RERE: variants seen among roughly 807,000 people sequenced by gnomAD.
RERE encodes the protein arginine-glutamic acid dipeptide repeats, also known as arginine-glutamic acid dipeptide repeats protein.
A neutral mutation model predicts 146.1 loss-of-function variants in RERE; 40 were observed. The ratio of observed to expected loss-of-function variants is 0.27; its 90% confidence interval spans 0.21 to 0.36. RERE has a LOEUF of 0.36. Ranked by LOEUF, RERE falls within the 10% of genes least tolerant of loss-of-function variation. The pLI is 1.00. For synonymous variants in RERE, 1,003 were observed against 866.0 expected, an observed-to-expected ratio of 1.16 and a Z score of -2.78; for missense variants, 1,933 against 2,138.7, an observed-to-expected ratio of 0.90 and a Z score of 1.90.
chr1:8,501,915 C>T (rs1645167196), intron 8 of RERE, among the ~76,000 whole-genome samples: 1 of 96,782 alleles, frequency 1.0e-5, no homozygotes, highest in African/African-American at 4.0e-5. Flanking sequence ...CCCGGCCAGC[C>T]GCCCCGTCCG....
chr1:8,808,545 C>A (rs1641732670), intron 1 of RERE, among the ~76,000 whole-genome samples: 1 of 152,124 alleles, frequency 6.6e-6, no homozygotes, highest in Admixed American at 6.6e-5. Context: ...CACAACAAAC[C>A]CACGAGTATT....
intron 1 of RERE, among the ~76,000 whole-genome samples, chr1:8,726,805 G>GTTTA (rs34474520): frequency 0.24 from 35,707 of 151,624 alleles, 4,276 homozygotes; most frequent in Middle Eastern, 0.28. Flanking sequence ...GTAAACTGAC[G>GTTTA]TTTATTTATT....
At chr1:8,574,018 C>G (rs965159679) in intron 4 of RERE, among the ~76,000 whole-genome samples, 8 of 151,964 alleles carry the variant, frequency 5.3e-5, no homozygotes, top group African/African-American at 1.9e-4. Context: ...GTTGCCCAGG[C>G]TGGTCTTAAA....
chr1:8,807,753 T>C (rs1045345921), intron 1 of RERE, among the ~76,000 whole-genome samples: 1 of 152,152 alleles, frequency 6.6e-6, no homozygotes, highest in Non-Finnish European at 1.5e-5. Context: ...ATTTCACTCT[T>C]ACACACTCTA....
At chr1:8,463,239 A>G (rs1644549147) in intron 11 of RERE, among the ~76,000 whole-genome samples, 1 of 152,192 alleles carries the variant, frequency 6.6e-6, no homozygotes, top group Admixed American at 6.5e-5. Context: ...GTGAAGCTTC[A>G]CTTCCTACAC....
At chr1:8,753,625 A>G (rs1640581233) in intron 1 of RERE, 2 of 152,242 alleles carry the variant, frequency 1.3e-5, no homozygotes. Flanking sequence ...CTGGCTCATT[A>G]TAACACTCAG....
rs368959205 is a variant in RERE, at chr1:8,548,019, G to T, written c.726-6701C>A. On this transcript the variant is annotated intron_variant, in intron 6 of 22. Coordinates refer to ENST00000400908, the MANE Select transcript of RERE (RefSeq NM_001042681.2). ...TATATCAACATAAGGAAGTAAAAGAGAATGAGAAAGTCCTCTATGAACTGA... is the reference window on the plus strand; with the variant it reads ...TATATCAACATAAGGAAGTAAAAGATAATGAGAAAGTCCTCTATGAACTGA... Among the ~76,000 whole-genome samples the T allele has an allele frequency of 3.3e-5, 5 of 152,176 alleles. No individual in the cohort carries two copies. The East Asian group carries it at 5.8e-4, about 18-fold the overall frequency.
intron 12 of RERE, among the ~76,000 whole-genome samples, chr1:8,416,342 T>C (rs529205675): frequency 6.6e-6 from 1 of 152,070 alleles, no homozygotes; most frequent in Non-Finnish European, 1.5e-5. Flanking sequence ...TCCCAGCACT[T>C]TGGGAGGCCA....
chr1:8,373,490 A>G (rs1324413969), intron 12 of RERE, among the ~76,000 whole-genome samples: 1 of 152,180 alleles, frequency 6.6e-6, no homozygotes, highest in Non-Finnish European at 1.5e-5. Context: ...AGCAACAAAT[A>G]ATAAAAAACA....
intron 12 of RERE, among the ~76,000 whole-genome samples, chr1:8,378,764 A>T (rs1353470598): frequency 6.6e-6 from 1 of 152,224 alleles, no homozygotes; most frequent in African/African-American, 2.4e-5. Flanking sequence ...ACAGCAGACT[A>T]ATACATAAGC....
In RERE at chr1:8,423,022, C is replaced by CA; in HGVS notation, c.1204-216dup. On this transcript the variant is annotated intron_variant, in intron 11 of 22. Coordinates refer to ENST00000400908, the MANE Select transcript of RERE (RefSeq NM_001042681.2). This position sits in a 1 kb window ranked among gnomAD's most constrained non-coding sequence, Gnocchi z 5.4. ...TCATCAGAACCCCAATCCCACCCAC[C>CA]ACGCAGGGCAGCGCGTTTAAGAGAA... 1.9e-6 allele frequency: 1 copy of CA among 529,800 alleles called. No individual in the cohort carries two copies. Among genetic ancestry groups the CA allele is most frequent in the Non-Finnish European group, 3.4e-6 (1 of 291,756 alleles). The allele number at this position is 529,800 out of a possible 1,614,324, so 32.8% of individuals were successfully genotyped here. A position where few individuals can be genotyped will look rare whatever the true frequency, so the allele number is the denominator to read the frequency against.
rs1020428618 is a variant in RERE at position 8,364,064 on chromosome 1, G to A, written c.1732C>T (p.Arg578Trp). The A allele has an allele frequency of 2.5e-6, 4 of 1,614,026 alleles. No homozygotes were observed. The highest frequency in any genetic ancestry group is 2.2e-5 in the East Asian group (1 of 44,878). ...GKHSMRTRRS[R>W]GSMSTLRSGR... ...GGCCCCAGGGGACTCACCGAGCCCC[G>A]ACTCCGCCGTGTCCTCATGCTATGC... is the stretch of plus-strand genomic sequence containing the variant. The change falls in exon 15 of 23, where the codon CGG (arginine) becomes TGG (tryptophan). Residue 578 changes from arginine to tryptophan, a missense_variant. Around this residue, in one of 11 missense-constraint regions of RERE, gnomAD observed 1,255 missense variants for 1,153.8 expected, o/e 1.09. Coordinates refer to ENST00000400908, the MANE Select transcript of RERE (RefSeq NM_001042681.2). This position sits in a 1 kb window ranked among gnomAD's most constrained non-coding sequence, Gnocchi z 5.1.
intron 1 of RERE, among the ~76,000 whole-genome samples, chr1:8,764,513 G>C (rs534713635): frequency 1.3e-5 from 2 of 152,152 alleles, no homozygotes; most frequent in Non-Finnish European, 2.9e-5. Context: ...TGCTTAGTGT[G>C]GTCAGAAAGG....
intron 1 of RERE, among the ~76,000 whole-genome samples, chr1:8,661,924 T>C (rs1422281419): frequency 6.6e-6 from 1 of 152,230 alleles, no homozygotes; most frequent in Non-Finnish European, 1.5e-5. Context: ...AGAACATTTA[T>C]TGCTCACGCT....
At chr1:8,785,514 C>A (rs889804818) in intron 1 of RERE, among the ~76,000 whole-genome samples, 5 of 152,196 alleles carry the variant, frequency 3.3e-5, no homozygotes, top group Non-Finnish European at 7.4e-5. Context: ...AGTCCTAGTC[C>A]TTACCTTTCC....
intron 12 of RERE, among the ~76,000 whole-genome samples, chr1:8,366,904 GAAAAAAAAAAACA>G (rs1208160312): frequency 1.8e-3 from 45 of 25,546 alleles, no homozygotes; most frequent in African/African-American, 4.7e-3. Context: ...ACCTAGAACT[GAAAAAAAAAAACA>G]AAAAAAAAAA....
At chr1:8,709,760 C>T (rs921133424) in intron 1 of RERE, among the ~76,000 whole-genome samples, 1 of 152,102 alleles carries the variant, frequency 6.6e-6, no homozygotes, top group African/African-American at 2.4e-5. Context: ...ATTTTTTACT[C>T]TTATAAACAG....
At chr1:8,689,738 A>G (rs1639169275) in intron 1 of RERE, among the ~76,000 whole-genome samples, 1 of 152,104 alleles carries the variant, frequency 6.6e-6, no homozygotes, top group Non-Finnish European at 1.5e-5. Flanking sequence ...AAGACTGACA[A>G]ATTAAGGTGC....
intron 6 of RERE, among the ~76,000 whole-genome samples, chr1:8,546,982 A>G (rs1170817118): frequency 6.6e-6 from 1 of 152,088 alleles, no homozygotes; most frequent in African/African-American, 2.4e-5. Context: ...GAACAATGGT[A>G]AAACATCCAT....
Sources: gnomAD v4.1 joint callset for allele counts (sites outside exome capture counted in the v4.1 genomes callset) on GRCh38, gnomAD v4.1.1 for gene constraint, gnomAD v4.1.1 regional missense constraint, Gnocchi (gnomAD v3.1) non-coding constraint, MANE v1.5 for transcripts, NCBI Gene and HGNC (gene_info 2026-07-23, HGNC 2026-07-21) for gene names.